Variants in GABRB1 observed in about 807,000 individuals in gnomAD.
The protein encoded by GABRB1 is gamma-aminobutyric acid receptor subunit beta-1.
GABRB1 carries 17 observed loss-of-function variants against 51.6 expected under a neutral mutation model. That is an observed-to-expected ratio of 0.33 (90% confidence interval 0.23 to 0.49). GABRB1 has a LOEUF of 0.49. GABRB1 is among the 20% of genes least tolerant of loss of function. GABRB1 has a pLI of 0.99. For synonymous variants in GABRB1, 247 were observed against 218.9 expected, an observed-to-expected ratio of 1.13 and a Z score of -1.14; for missense variants, 410 against 600.6, an observed-to-expected ratio of 0.68 and a Z score of 3.32.
chr4:47,042,446 CGTGT>C (rs1725896306), intron 3 of GABRB1, among the ~76,000 whole-genome samples: 1 of 101,554 alleles, frequency 9.8e-6, no homozygotes, highest in African/African-American at 3.3e-5. Flanking sequence ...ATATAAAATA[CGTGT>C]GTGAGTATGT....
At chr4:47,021,402 C>T (rs1040475004) in intron 1 of GABRB1, among the ~76,000 whole-genome samples, 5 of 152,078 alleles carry the variant, frequency 3.3e-5, no homozygotes, top group African/African-American at 9.7e-5. Context: ...TGATAATAAA[C>T]AGCTGTGATA....
At chr4:47,415,565 G>T (rs1728888261) in intron 8 of GABRB1, among the ~76,000 whole-genome samples, 1 of 152,156 alleles carries the variant, frequency 6.6e-6, no homozygotes, top group Non-Finnish European at 1.5e-5. Context: ...AATGCTAAAT[G>T]CCTAGGTCTG....
intron 3 of GABRB1, among the ~76,000 whole-genome samples, chr4:47,083,493 A>AT (rs1727937774): frequency 6.6e-6 from 1 of 152,074 alleles, no homozygotes; most frequent in Admixed American, 6.6e-5. Flanking sequence ...TATTCTTCCA[A>AT]TTTTTTCATT....
At chr4:47,004,721 T>C (rs542183913) in intron 1 of GABRB1, among the ~76,000 whole-genome samples, 2 of 151,556 alleles carry the variant, frequency 1.3e-5, no homozygotes, top group South Asian at 2.1e-4. Flanking sequence ...AAAAAACAGA[T>C]GACACAGTCT....
intron 4 of GABRB1, among the ~76,000 whole-genome samples, chr4:47,178,284 G>C (rs1267379549): frequency 2.0e-5 from 3 of 152,200 alleles, no homozygotes; most frequent in Non-Finnish European, 4.4e-5. Flanking sequence ...TGGGTTAAGA[G>C]TCTATCTCTT....
chr4:47,243,059 TG>T (rs1403979820), intron 4 of GABRB1, among the ~76,000 whole-genome samples: 1 of 152,228 alleles, frequency 6.6e-6, no homozygotes, highest in African/African-American at 2.4e-5. Flanking sequence ...AATTAATTTT[TG>T]TATCAGGTGT....
intron 1 of GABRB1, among the ~76,000 whole-genome samples, chr4:47,007,988 G>A (rs1030878779): frequency 4.6e-5 from 7 of 151,496 alleles, no homozygotes; most frequent in African/African-American, 1.7e-4. Flanking sequence ...GTTTTGGAGT[G>A]AAGAGAAGTA....
chr4:47,403,262 G>C (rs1166024628), intron 5 of GABRB1, 56 bp from the exon 6 acceptor site: 56 of 1,592,876 alleles, frequency 3.5e-5, no homozygotes, highest in Non-Finnish European at 4.1e-5. Flanking sequence ...CTCCCAGATG[G>C]TATTCAAAAT....
chr4:47,201,539 G>A (rs1204564664), intron 4 of GABRB1, among the ~76,000 whole-genome samples: 1 of 152,040 alleles, frequency 6.6e-6, no homozygotes, highest in Non-Finnish European at 1.5e-5. Flanking sequence ...ACATACCCAT[G>A]CTTGTGGTTA....
At chr4:47,329,171 A>C (rs1725369170) in intron 5 of GABRB1, among the ~76,000 whole-genome samples, 1 of 152,032 alleles carries the variant, frequency 6.6e-6, no homozygotes, top group Admixed American at 6.6e-5. Context: ...ATGCCATTTT[A>C]AGGTAATTTC....
chr4:47,069,682 C>G (rs1035513941), intron 3 of GABRB1, among the ~76,000 whole-genome samples: 2 of 152,138 alleles, frequency 1.3e-5, no homozygotes, highest in African/African-American at 4.8e-5. Context: ...TCATTCCTGT[C>G]CATCAAAATC....
At chr4:47,131,262 G>A (rs771772702) in intron 3 of GABRB1, among the ~76,000 whole-genome samples, 7 of 151,922 alleles carry the variant, frequency 4.6e-5, no homozygotes, top group Admixed American at 6.6e-5. Flanking sequence ...AAATTCAAGC[G>A]ATTCTCCTGC....
chr4:47,365,380 T>A (rs1240052664), intron 5 of GABRB1, among the ~76,000 whole-genome samples: 1 of 152,222 alleles, frequency 6.6e-6, no homozygotes, highest in Non-Finnish European at 1.5e-5. Flanking sequence ...ATTAGTTAAT[T>A]ACCACTTAGT....
intron 4 of GABRB1, among the ~76,000 whole-genome samples, chr4:47,260,228 G>C (rs936177878): frequency 6.6e-6 from 1 of 151,608 alleles, no homozygotes. Flanking sequence ...GTCTCTGCAT[G>C]TGAGATGGGT....
intron 5 of GABRB1, among the ~76,000 whole-genome samples, chr4:47,372,111 G>A (rs1416883352): frequency 6.6e-6 from 1 of 152,112 alleles, no homozygotes; most frequent in Non-Finnish European, 1.5e-5. Flanking sequence ...GTTCATTTTT[G>A]CATAAGGTGT....
At chr4:47,417,838 C>T (rs539203336) in intron 8 of GABRB1, among the ~76,000 whole-genome samples, 2 of 152,278 alleles carry the variant, frequency 1.3e-5, no homozygotes, top group African/African-American at 2.4e-5. Flanking sequence ...GCTTTAAAAC[C>T]GCCACTGAAA....
intron 1 of GABRB1, among the ~76,000 whole-genome samples, chr4:47,023,524 G>A (rs896005499): frequency 1.3e-4 from 19 of 151,948 alleles, no homozygotes; most frequent in African/African-American, 4.3e-4. Flanking sequence ...ACTGGAGTAT[G>A]CAGTTTGTTT....
chr4:47,031,929 C>A lies in GABRB1; in HGVS notation c.96C>A (p.Ser32Arg). 1 of 1,613,948 alleles carries A rather than the reference C, an allele frequency of 6.2e-7. No individual in the cohort carries two copies. The highest frequency in any genetic ancestry group is 8.5e-7 in the Non-Finnish European group (1 of 1,179,906). ...TTCCCCTTAGCACCAATGAACCCAG[C>A]AACATGTCATACGTGAAAGAGACAG... ...VCCAHSTNEP[S>R]NMSYVKETVD... The change falls in exon 2 of 9, where the codon AGC becomes AGA. Residue 32 changes from serine (S) to arginine (R), a missense_variant. Coordinates refer to ENST00000295454, the MANE Select transcript of GABRB1 (RefSeq NM_000812.4).
chr4:47,330,155 G>T (rs1000249485), intron 5 of GABRB1, among the ~76,000 whole-genome samples: 3 of 152,194 alleles, frequency 2.0e-5, no homozygotes, highest in Admixed American at 6.6e-5. Flanking sequence ...ACTCAGGGGA[G>T]AGTCAGTTTA....
Sources: gnomAD v4.1 joint callset for allele counts (sites outside exome capture counted in the v4.1 genomes callset) on GRCh38, gnomAD v4.1.1 for gene constraint, MANE v1.5 for transcripts, NCBI Gene and HGNC (gene_info 2026-07-23, HGNC 2026-07-21) for gene names.